LINGO2: variants seen among roughly 807,000 people sequenced by gnomAD.
LINGO2 encodes leucine rich repeat and Ig domain containing 2.
LINGO2 carries 14 observed loss-of-function variants against 30.6 expected under a neutral mutation model. The ratio of observed to expected loss-of-function variants is 0.46; its 90% confidence interval spans 0.30 to 0.72. The LOEUF (loss-of-function observed/expected upper bound fraction) is 0.72. LINGO2 is among the 30% of genes least tolerant of loss of function. The probability of loss-of-function intolerance (pLI) is 0.07; values close to 1 mark genes in which losing one functional copy is unlikely to be tolerated. For missense variants in LINGO2, 729 were observed against 751.7 expected, an observed-to-expected ratio of 0.97 and a Z score of 0.35; for synonymous variants, 317 against 288.5, an observed-to-expected ratio of 1.10 and a Z score of -1.00.
chr9:28,709,384 T>C, the LINGO2 span, among the ~76,000 whole-genome samples: 1 of 152,132 alleles, frequency 6.6e-6, no homozygotes, highest in Non-Finnish European at 1.5e-5. Flanking sequence ...CAATGTTAAA[T>C]GAATAGTGTT....
rs911986338 is a variant in LINGO2, at chr9:28,513,115, ACACACACACACT to A, written c.-364-37102_-364-37091del. ...CACACACACACACACACACACACAC[ACACACACACACT>A]TAGAAAATATTCTAGCTTTAAATGC... On this transcript the variant is annotated intron_variant, in intron 1 of 5. Coordinates refer to ENST00000379992, the Ensembl canonical transcript of LINGO2. Among the ~76,000 whole-genome samples, 16 of 115,284 alleles carry A rather than the reference ACACACACACACT, an allele frequency of 1.4e-4. No individual in the cohort carries two copies. The Admixed American group carries it at 1.4e-3, about 10-fold the overall frequency. 75.6% of individuals were successfully genotyped at this position (115,284 alleles called of 152,430 possible). A position where few individuals can be genotyped will look rare whatever the true frequency, so the allele number is the denominator to read the frequency against.
At chr9:28,582,061 C>G (rs1824283807) in intron 1 of LINGO2, among the ~76,000 whole-genome samples, 1 of 151,866 alleles carries the variant, frequency 6.6e-6, no homozygotes, top group African/African-American at 2.4e-5. Context: ...GTCCTAAGTC[C>G]TATATTGAGC....
chr9:28,389,052 C>G (rs1821717393), intron 2 of LINGO2, among the ~76,000 whole-genome samples: 1 of 152,128 alleles, frequency 6.6e-6, no homozygotes, highest in Non-Finnish European at 1.5e-5. Context: ...TTTGCTATAA[C>G]CTGGTATAGA....
chr9:28,913,109 T>C, the LINGO2 span, among the ~76,000 whole-genome samples: 1 of 152,148 alleles, frequency 6.6e-6, no homozygotes, highest in African/African-American at 2.4e-5. Flanking sequence ...ATTATCTTTT[T>C]CTTTCAGGTA....
chr9:28,766,423 A>G, the LINGO2 span, among the ~76,000 whole-genome samples: 2 of 149,242 alleles, frequency 1.3e-5, no homozygotes, highest in Admixed American at 6.8e-5. Context: ...TAGAATGGCT[A>G]TTATCAAAAA....
the LINGO2 span, among the ~76,000 whole-genome samples, chr9:28,742,485 G>A: frequency 6.6e-6 from 1 of 151,116 alleles, no homozygotes; most frequent in Non-Finnish European, 1.5e-5. Context: ...TTGCGATTGG[G>A]CTTTAAACAT....
the LINGO2 span, among the ~76,000 whole-genome samples, chr9:29,209,022 G>T: frequency 6.6e-6 from 1 of 151,988 alleles, no homozygotes; most frequent in Non-Finnish European, 1.5e-5. Context: ...TGAAGCTAAG[G>T]TTTCCTAAAA....
At chr9:28,560,485 T>C (rs1391105544) in intron 1 of LINGO2, among the ~76,000 whole-genome samples, 1 of 152,052 alleles carries the variant, frequency 6.6e-6, no homozygotes, top group African/African-American at 2.4e-5. Flanking sequence ...TGTCAGCCTC[T>C]ATAACTGAAT....
At chr9:28,076,370 C>T (rs1825622576) in intron 4 of LINGO2, among the ~76,000 whole-genome samples, 1 of 152,082 alleles carries the variant, frequency 6.6e-6, no homozygotes, top group Non-Finnish European at 1.5e-5. Context: ...TAAAGTTAAT[C>T]AGTGTCTTTA....
At chr9:28,366,376 T>C (rs1820677123) in intron 3 of LINGO2, among the ~76,000 whole-genome samples, 1 of 152,238 alleles carries the variant, frequency 6.6e-6, no homozygotes, top group African/African-American at 2.4e-5. Context: ...GTGCCCTGGA[T>C]AGCCATGTTT....
the LINGO2 span, among the ~76,000 whole-genome samples, chr9:28,898,154 A>T: frequency 2.0e-5 from 3 of 152,126 alleles, no homozygotes; most frequent in African/African-American, 7.2e-5. Context: ...ATTTCACTGA[A>T]ATATAATTGT....
the LINGO2 span, among the ~76,000 whole-genome samples, chr9:28,699,190 G>T: frequency 6.6e-6 from 1 of 151,912 alleles, no homozygotes; most frequent in Non-Finnish European, 1.5e-5. Context: ...ATTTTCTGTT[G>T]GTGTTGACAA....
At chr9:28,357,126 G>C (rs1319874578) in intron 3 of LINGO2, among the ~76,000 whole-genome samples, 1 of 151,902 alleles carries the variant, frequency 6.6e-6, no homozygotes, top group Non-Finnish European at 1.5e-5. Flanking sequence ...TGAGCAATTG[G>C]GATAGCCAAT....
chr9:28,151,259 G>A (rs1352280440), intron 4 of LINGO2, among the ~76,000 whole-genome samples: 1 of 151,986 alleles, frequency 6.6e-6, no homozygotes, highest in Non-Finnish European at 1.5e-5. Flanking sequence ...ATTATAGTAA[G>A]AGATTGATAG....
chr9:28,084,375 T>C (rs903313901), intron 4 of LINGO2, among the ~76,000 whole-genome samples: 4 of 152,034 alleles, frequency 2.6e-5, no homozygotes, highest in African/African-American at 9.7e-5. Context: ...AAAAGATAAG[T>C]AAAATATTTA....
intron 1 of LINGO2, among the ~76,000 whole-genome samples, chr9:28,669,763 A>G (rs1254649672): frequency 6.6e-6 from 1 of 152,062 alleles, no homozygotes; most frequent in Non-Finnish European, 1.5e-5. Flanking sequence ...AGTACCTCCT[A>G]TATAAATTTA....
the LINGO2 span, among the ~76,000 whole-genome samples, chr9:29,086,891 A>ATT: frequency 3.3e-4 from 45 of 135,974 alleles, no homozygotes; most frequent in African/African-American, 5.7e-4. Context: ...AAGAGCAGTG[A>ATT]TTTTTTTTTT....
the LINGO2 span, among the ~76,000 whole-genome samples, chr9:28,884,667 CAT>C: frequency 4.6e-4 from 59 of 126,882 alleles, no homozygotes; most frequent in African/African-American, 1.2e-3. Context: ...ATGTATTTTC[CAT>C]ATATATATAT....
the LINGO2 span, among the ~76,000 whole-genome samples, chr9:29,152,134 G>T: frequency 6.6e-6 from 1 of 152,158 alleles, no homozygotes; most frequent in East Asian, 1.9e-4. Context: ...ACACTGGTCA[G>T]AATGGCTATT....
Sources: gnomAD v4.1 joint callset for allele counts (sites outside exome capture counted in the v4.1 genomes callset) on GRCh38, gnomAD v4.1.1 for gene constraint, MANE v1.5 for transcripts, NCBI Gene and HGNC (gene_info 2026-07-23, HGNC 2026-07-21) for gene names.